CNTNAP2: variants seen among roughly 807,000 people sequenced by gnomAD.
The protein encoded by CNTNAP2 is contactin-associated protein-like 2.
A neutral mutation model predicts 155.2 loss-of-function variants in CNTNAP2; 98 were observed. The observed-to-expected ratio is 0.63, with a 90% CI of 0.54 to 0.75. The LOEUF (loss-of-function observed/expected upper bound fraction) is 0.75, where lower values mean the gene tolerates loss of function less well. Ranked by LOEUF, CNTNAP2 falls within the 30% of genes least tolerant of loss-of-function variation. The pLI is 0.00. For missense variants in CNTNAP2, 1,727 were observed against 1,688.1 expected, an observed-to-expected ratio of 1.02 and a Z score of -0.40; for synonymous variants, 651 against 631.2, an observed-to-expected ratio of 1.03 and a Z score of -0.47.
chr7:147,656,778 C>A (rs981479237), intron 13 of CNTNAP2, among the ~76,000 whole-genome samples: 1 of 151,804 alleles, frequency 6.6e-6, no homozygotes, highest in Non-Finnish European at 1.5e-5. Context: ...CAAACAACAA[C>A]AAAAAAACCC....
At chr7:147,873,608 T>G (rs1388243588) in intron 13 of CNTNAP2, among the ~76,000 whole-genome samples, 1 of 152,174 alleles carries the variant, frequency 6.6e-6, no homozygotes, top group African/African-American at 2.4e-5. Context: ...GGAGCTACAA[T>G]TCAAGATGAG....
In CNTNAP2 at chr7:146,738,832, A is replaced by G. The variant is rs187429514; in HGVS notation, c.98-35439A>G. The stretch of plus-strand genomic sequence containing the variant: ...CTCCTTACTTGTTATTGGTCTGTTA[A>G]GATTTTCTGTTTTTTTTTTTTCATA... On this transcript the variant is annotated intron_variant, in intron 1 of 23. Coordinates refer to ENST00000361727, the MANE Select transcript of CNTNAP2 (RefSeq NM_014141.6). 1.2e-3 allele frequency among the ~76,000 whole-genome samples: 182 copies of G among 149,708 alleles called. 2 individuals are homozygous for G. Among genetic ancestry groups the G allele is most frequent in the South Asian group, 6.5e-3 (31 of 4,792 alleles).
At chr7:147,740,825 C>T (rs1473504782) in intron 13 of CNTNAP2, among the ~76,000 whole-genome samples, 1 of 152,086 alleles carries the variant, frequency 6.6e-6, no homozygotes, top group Non-Finnish European at 1.5e-5. Flanking sequence ...GCTAAGGAAA[C>T]AATGGAAGCA....
chr7:147,065,958 C>T (rs1799771503), intron 4 of CNTNAP2, among the ~76,000 whole-genome samples: 1 of 151,918 alleles, frequency 6.6e-6, no homozygotes, highest in South Asian at 2.1e-4. Context: ...ATCTTTTGTA[C>T]CTGTCTCCTT....
At chr7:146,827,163 A>G (rs950208551) in intron 2 of CNTNAP2, among the ~76,000 whole-genome samples, 27 of 151,898 alleles carry the variant, frequency 1.8e-4, no homozygotes, top group African/African-American at 6.0e-4. Flanking sequence ...TTATTCTTAT[A>G]TTCATTTTGT....
At chr7:146,231,140 T>A (rs1396219344) in intron 1 of CNTNAP2, among the ~76,000 whole-genome samples, 1 of 152,196 alleles carries the variant, frequency 6.6e-6, no homozygotes, top group Non-Finnish European at 1.5e-5. Flanking sequence ...TTAAGCTCTA[T>A]GATTGCAGGA....
At chr7:146,261,161 C>T (rs1245137477) in intron 1 of CNTNAP2, among the ~76,000 whole-genome samples, 1 of 152,138 alleles carries the variant, frequency 6.6e-6, no homozygotes, top group Middle Eastern at 3.2e-3. Context: ...CCTGAGGCCT[C>T]CCCAGCCACA....
chr7:146,254,129 G>GCACACACACA (rs3050025), intron 1 of CNTNAP2, among the ~76,000 whole-genome samples: 9 of 144,868 alleles, frequency 6.2e-5, no homozygotes, highest in African/African-American at 2.3e-4. Flanking sequence ...ATTGCTACTT[G>GCACACACACA]CACACACACA....
At chr7:146,523,769 C>A (rs1481850571) in intron 1 of CNTNAP2, among the ~76,000 whole-genome samples, 1 of 152,118 alleles carries the variant, frequency 6.6e-6, no homozygotes, top group Non-Finnish European at 1.5e-5. Flanking sequence ...GAACTATTGG[C>A]TAATTCCGAT....
At position 146,210,758 on chromosome 7, in the gene CNTNAP2, C is replaced by T. The variant is rs1287630226; in HGVS notation, c.97+93785C>T. 1.3e-5 allele frequency among the ~76,000 whole-genome samples: 2 copies of T among 152,042 alleles called. 1 individual carries two copies. Among genetic ancestry groups the T allele is most frequent in the South Asian group, 4.1e-4 (2 of 4,834 alleles). On this transcript the variant is annotated intron_variant, in intron 1 of 23. Transcript: ENST00000361727. ...CGGAATTCTAATATTTACCAGAGTA[C>T]TTTGGTCTAATGGCAAGGGGGCCAA...
chr7:148,397,603 A>T (rs910474092), intron 22 of CNTNAP2, among the ~76,000 whole-genome samples: 5 of 152,336 alleles, frequency 3.3e-5, no homozygotes, highest in East Asian at 1.9e-4. Flanking sequence ...TTCTTGTTCC[A>T]CATTCCCCTT....
intron 12 of CNTNAP2, among the ~76,000 whole-genome samples, chr7:147,588,464 T>C (rs1800675155): frequency 6.6e-6 from 1 of 152,156 alleles, no homozygotes; most frequent in African/African-American, 2.4e-5. Flanking sequence ...ACAGAAGCAC[T>C]CTTTCTTCAC....
intron 11 of CNTNAP2, among the ~76,000 whole-genome samples, chr7:147,520,337 A>G (rs1461933212): frequency 6.6e-6 from 1 of 152,218 alleles, no homozygotes; most frequent in Non-Finnish European, 1.5e-5. Context: ...TTCCTGTGCA[A>G]TATCAAATCA....
Position 148,054,447 on chromosome 7 carries a change from C to CTTTT in CNTNAP2, c.2384-63649_2384-63646dup, listed in dbSNP as rs61157011. Among the ~76,000 whole-genome samples the CTTTT allele has an allele frequency of 9.6e-5, 7 of 73,106 alleles. 1 individual carries two copies. Among genetic ancestry groups the CTTTT allele is most frequent in the East Asian group, 4.7e-4 (1 of 2,114 alleles). 48.0% of individuals were successfully genotyped at this position (73,106 alleles called of 152,430 possible). ...TATCACTATGACTTCTCTCAGTGGC[C>CTTTT]TTTTTTTTTTTTTTTTTTTTTTTTT... On this transcript the variant is annotated intron_variant, in intron 15 of 23. Transcript: ENST00000361727.
At chr7:146,162,086 C>G (rs1185006679) in intron 1 of CNTNAP2, among the ~76,000 whole-genome samples, 1 of 152,136 alleles carries the variant, frequency 6.6e-6, no homozygotes, top group Non-Finnish European at 1.5e-5. Context: ...CAATACCATT[C>G]AGGACATAGG....
chr7:146,966,192 G>C (rs145323085), intron 3 of CNTNAP2, among the ~76,000 whole-genome samples: 9 of 152,234 alleles, frequency 5.9e-5, no homozygotes, highest in Admixed American at 2.0e-4. Flanking sequence ...TACTCCTTCT[G>C]GTCTTAGTGT....
At chr7:146,468,711 T>A (rs962286084) in intron 1 of CNTNAP2, among the ~76,000 whole-genome samples, 1 of 152,128 alleles carries the variant, frequency 6.6e-6, no homozygotes, top group African/African-American at 2.4e-5. Flanking sequence ...AAAGTCTAAG[T>A]TGCAACTTAA....
chr7:146,698,240 A>AT (rs1471998094), intron 1 of CNTNAP2, among the ~76,000 whole-genome samples: 3 of 151,674 alleles, frequency 2.0e-5, no homozygotes, highest in African/African-American at 7.3e-5. Flanking sequence ...ACCTTCATTT[A>AT]TTTTTTCTTA....
chr7:147,920,805 C>CTTTTTTTTT (rs1219556681), intron 14 of CNTNAP2, among the ~76,000 whole-genome samples: 3 of 100,654 alleles, frequency 3.0e-5, no homozygotes, highest in African/African-American at 1.2e-4. Context: ...CTGCTCCTGT[C>CTTTTTTTTT]TTTTTTTTTT....
Sources: gnomAD v4.1 joint callset for allele counts (sites outside exome capture counted in the v4.1 genomes callset) on GRCh38, gnomAD v4.1.1 for gene constraint, MANE v1.5 for transcripts, NCBI Gene and HGNC (gene_info 2026-07-23, HGNC 2026-07-21) for gene names.